The following RET variants were observed in gnomAD, a reference collection of about 807,000 sequenced individuals.
RET encodes the protein ret proto-oncogene, also known as proto-oncogene tyrosine-protein kinase receptor Ret.
RET carries 19 observed loss-of-function variants against 118.3 expected under a neutral mutation model. That is an observed-to-expected ratio of 0.16 (90% CI 0.11 to 0.24). The LOEUF (loss-of-function observed/expected upper bound fraction) is 0.24. Among genes scored for constraint, RET ranks in the 10% least tolerant of loss-of-function variants. The probability of loss-of-function intolerance (pLI) is 1.00; values close to 1 mark genes in which losing one functional copy is unlikely to be tolerated. For missense variants in RET, 1,219 were observed against 1,502.1 expected (o/e 0.81, Z 3.12); for synonymous variants, 597 against 644.1 (o/e 0.93, Z 1.11).
chr10:43,113,469 G>A, intron 9 of RET, 87 bp from the exon 10 acceptor site: 2 of 1,434,744 alleles, frequency 1.4e-6, no homozygotes, highest in East Asian at 4.9e-5. Context: ...GTTGGGGAGG[G>A]GGCTCCTTGG....
intron 12 of RET, among the ~76,000 whole-genome samples, chr10:43,116,934 G>A (rs143149749): frequency 2.0e-5 from 3 of 152,360 alleles, no homozygotes; most frequent in African/African-American, 4.8e-5. Context: ...CTCTAGAGGT[G>A]TTGCTGTGCC....
At chr10:43,104,597 C>A in intron 3 of RET, 1 of 419,078 alleles carries the variant, frequency 2.4e-6, no homozygotes, top group South Asian at 2.7e-5. Context: ...AGCCACCCTT[C>A]CCCACACAAG....
At chr10:43,124,787 C>T (rs1838293002) in intron 17 of RET, 96 bp from the exon 18 acceptor site, 1 of 1,201,724 alleles carries the variant, frequency 8.3e-7, no homozygotes, top group African/African-American at 1.5e-5. Context: ...CACACTGGGC[C>T]CAGGGTACAG....
intron 1 of RET, among the ~76,000 whole-genome samples, chr10:43,081,804 C>T (rs948738563): frequency 1.3e-5 from 2 of 152,182 alleles, no homozygotes; most frequent in African/African-American, 2.4e-5. Context: ...CAGCCAGGGC[C>T]GGCTCAGGGA....
chr10:43,125,054 A>C, intron 18 of RET, 72 bp downstream of exon 18: 1 of 1,415,170 alleles, frequency 7.1e-7, no homozygotes, highest in South Asian at 1.2e-5. Flanking sequence ...CCAGGGCAGT[A>C]GTTTTAGCCC....
rs752031195 is a variant in RET, at chr10:43,119,499, G to T, written c.2393-32G>T. ...CTGGAAGACCCAAGCTGCCTGACCC[G>T]CACGCCCAGGGCCCCCTCTCTCCGC... On this transcript the variant is annotated intron_variant, in intron 13 of 19. Transcript: ENST00000355710. 6 of 1,564,624 alleles carry T rather than the reference G, an allele frequency of 3.8e-6. No homozygotes were observed. The African/African-American group carries it at 6.8e-5, about 18-fold the overall frequency.
chr10:43,096,732 G>T (rs1837529742), intron 1 of RET, among the ~76,000 whole-genome samples: 1 of 152,172 alleles, frequency 6.6e-6, no homozygotes, highest in Non-Finnish European at 1.5e-5. Flanking sequence ...ACCACGATTG[G>T]CTGCATCATT....
In RET at chr10:43,118,444, C is replaced by T. The variant is rs1400642102; in HGVS notation, c.2356C>T (p.His786Tyr). The change falls in exon 13 of 20, where the codon CAT becomes TAT. Residue 786 changes from histidine (H) to tyrosine (Y), a missense_variant. By Grantham distance (83) the His-to-Tyr change is moderately conservative. Coordinates refer to ENST00000355710, the MANE Select transcript of RET (RefSeq NM_020975.6). ...CGTCCTGAAGCAGGTCAACCACCCACATGTCATCAAATTGTATGGGGCCTG... is the reference window on the plus strand; with the variant it reads ...CGTCCTGAAGCAGGTCAACCACCCATATGTCATCAAATTGTATGGGGCCTG... ...FNVLKQVNHP[H>Y]VIKLYGACSQ... The T allele has an allele frequency of 1.2e-6, 2 of 1,614,094 alleles. No individual in the cohort carries two copies. The highest frequency in any genetic ancestry group is 1.3e-5 in the African/African-American group (1 of 75,076).
rs1202206539 is a variant in RET at position 43,106,393 on chromosome 10, G to A, written c.885G>A (p.Thr295=). Residue 295 remains threonine (T), a synonymous_variant, in exon 5 of 20, where the codon ACG becomes ACA. Coordinates refer to ENST00000355710, the MANE Select transcript of RET (RefSeq NM_020975.6). This position sits in a 1 kb window ranked among gnomAD's most constrained non-coding sequence, Gnocchi z 5.1. ...FKRKEDTVVA[T]LRVFDADVVP... ...TCCTGCAGGACACCGTGGTGGCCAC[G>A]CTGCGTGTCTTCGATGCAGACGTGG... 1 of 1,611,770 alleles carries A rather than the reference G, an allele frequency of 6.2e-7. No homozygotes were observed. The highest frequency in any genetic ancestry group is 8.5e-7 in the Non-Finnish European group (1 of 1,179,906).
chr10:43,102,890 C>A, intron 3 of RET: 1 of 565,932 alleles, frequency 1.8e-6, no homozygotes, highest in Non-Finnish European at 3.2e-6. Context: ...TCTGAGCATG[C>A]CAAGGAAATC....
intron 1 of RET, among the ~76,000 whole-genome samples, chr10:43,084,627 GGCC>G (rs1837251520): frequency 6.6e-6 from 1 of 152,198 alleles, no homozygotes; most frequent in Non-Finnish European, 1.5e-5. Flanking sequence ...CTTTATCCAG[GGCC>G]GTCACTGTCA....
chr10:43,122,094 C>A, intron 16 of RET, 78 bp downstream of exon 16: 1 of 1,156,378 alleles, frequency 8.6e-7, no homozygotes, highest in Non-Finnish European at 1.3e-6. Flanking sequence ...CGACGCCCGT[C>A]TGTGCAGCTT....
At chr10:43,125,808 G>C (rs1838315870) in intron 18 of RET, among the ~76,000 whole-genome samples, 1 of 152,200 alleles carries the variant, frequency 6.6e-6, no homozygotes, top group Non-Finnish European at 1.5e-5. Flanking sequence ...GCAGGACCTA[G>C]GACCCCATAG....
intron 1 of RET, among the ~76,000 whole-genome samples, chr10:43,081,646 GC>G (rs1326039622): frequency 6.6e-6 from 1 of 152,176 alleles, no homozygotes; most frequent in Non-Finnish European, 1.5e-5. Flanking sequence ...GCACCCCATG[GC>G]CCCTGGGAGG....
rs758766818 is a variant in RET at position 43,112,921 on chromosome 10, G to A, written c.1717G>A (p.Val573Met). The A allele has an allele frequency of 1.1e-5, 17 of 1,614,062 alleles. No homozygotes were observed. The highest frequency in any genetic ancestry group is 6.8e-6 in the Non-Finnish European group (8 of 1,180,022). The change falls in exon 9 of 20, where the codon GTG becomes ATG. Residue 573 changes from valine (V) to methionine (M), a missense_variant. By Grantham distance (21) the Val-to-Met change is conservative. Coordinates refer to ENST00000355710, the MANE Select transcript of RET (RefSeq NM_020975.6). ...KTCPDGHCDV[V>M]ETQDINICPQ... is the part of the protein sequence containing the mutation. ...CTGCCCCGACGGCCACTGCGATGTT[G>A]TGGAGACCCAAGACATCAACATTTG... is the stretch of plus-strand genomic sequence containing the variant.
intron 7 of RET, among the ~76,000 whole-genome samples, chr10:43,111,698 G>A (rs771669326): frequency 2.0e-5 from 3 of 152,192 alleles, no homozygotes; most frequent in Non-Finnish European, 2.9e-5. Flanking sequence ...TTTTGGTATA[G>A]GTGTGTTCCA....
chr10:43,110,360 C>T (rs1056766535), intron 6 of RET, among the ~76,000 whole-genome samples: 2 of 152,170 alleles, frequency 1.3e-5, no homozygotes, highest in Admixed American at 6.5e-5. Flanking sequence ...TGGAAGTGGG[C>T]TTTGTAGGGG....
rs1027117896 is a variant in RET at position 43,119,805 on chromosome 10, C to T, written c.2607+60C>T. 119 of 1,545,382 alleles carry T rather than the reference C, an allele frequency of 7.7e-5. 1 individual carries two copies. The highest frequency in any genetic ancestry group is 4.4e-4 in the African/African-American group (32 of 73,502). ...GGCCAGGCCACACCCTGACCCACCACGCCCCTGCCACCCACACCCTGGCCT... is the reference window on the plus strand; with the variant it reads ...GGCCAGGCCACACCCTGACCCACCATGCCCCTGCCACCCACACCCTGGCCT... On this transcript the variant is annotated intron_variant, in intron 14 of 19. Coordinates refer to ENST00000355710, the MANE Select transcript of RET (RefSeq NM_020975.6).
rs561603297 is a variant in RET, at chr10:43,106,089, G to A, written c.868-287G>A. 1.3e-4 allele frequency among the ~76,000 whole-genome samples: 20 copies of A among 152,218 alleles called. No homozygotes were observed. Among genetic ancestry groups the A allele is most frequent in the Admixed American group, 5.9e-4 (9 of 15,308 alleles). On this transcript the variant is annotated intron_variant, in intron 4 of 19. Coordinates refer to ENST00000355710, the MANE Select transcript of RET (RefSeq NM_020975.6). This position sits in a 1 kb window ranked among gnomAD's most constrained non-coding sequence, Gnocchi z 5.1. The stretch of plus-strand genomic sequence containing the variant: ...CTCTCTGGGGACCTGGATGGGACCT[G>A]CCAGCAGGGTGCCTGGGCATCGGCT...
Sources: gnomAD v4.1 joint callset for allele counts (sites outside exome capture counted in the v4.1 genomes callset) on GRCh38, gnomAD v4.1.1 for gene constraint, Gnocchi (gnomAD v3.1) non-coding constraint, MANE v1.5 for transcripts, NCBI Gene and HGNC (gene_info 2026-07-23, HGNC 2026-07-21) for gene names.